Variants in ZNF676 observed in about 807,000 individuals in gnomAD.
The protein encoded by ZNF676 is zinc finger protein 676.
In ZNF676, 4 loss-of-function variants were observed where a neutral mutation model predicts 6.0. The observed-to-expected ratio is 0.67, with a 90% CI of 0.33 to 1.53. ZNF676 has a LOEUF of 1.53. Ranked by LOEUF, ZNF676 falls within the 40% of genes most tolerant of loss-of-function variation. The pLI is 0.06. For synonymous variants in ZNF676, 198 were observed against 223.1 expected (o/e 0.89, Z 1.00); for missense variants, 644 against 679.7 (o/e 0.95, Z 0.58).
chr19:22,259,872 G>A, the ZNF676 span: 3 of 152,184 alleles, frequency 2.0e-5, no homozygotes, highest in Admixed American at 2.0e-4. Context: ...GGTAAGAGAA[G>A]AGAATCATAT....
the ZNF676 span, among the ~76,000 whole-genome samples, chr19:22,247,733 C>G: frequency 6.6e-6 from 1 of 152,124 alleles, no homozygotes; most frequent in South Asian, 2.1e-4. Context: ...TGCAGTGAGC[C>G]AAGATCGTGC....
chr19:22,245,499 A>G, the ZNF676 span, among the ~76,000 whole-genome samples: 1 of 34,358 alleles, frequency 2.9e-5, no homozygotes, highest in Non-Finnish European at 5.2e-5. Flanking sequence ...GAGATATGTC[A>G]CAATGCCCCC....
At chr19:22,249,593 G>A in the ZNF676 span, among the ~76,000 whole-genome samples, 1 of 151,878 alleles carries the variant, frequency 6.6e-6, no homozygotes, top group Non-Finnish European at 1.5e-5. Context: ...TGTATTTTTA[G>A]TAGAGACGGG....
chr19:22,217,796 C>T (rs1206754594), upstream of ZNF676, among the ~76,000 whole-genome samples: 5 of 152,018 alleles, frequency 3.3e-5, no homozygotes, highest in Non-Finnish European at 5.9e-5. Context: ...CTCCACCTCC[C>T]GGGTTCAAGC....
chr19:22,191,510 A>C (rs759354731), intron 2 of ZNF676, among the ~76,000 whole-genome samples: 10 of 152,222 alleles, frequency 6.6e-5, no homozygotes, highest in Non-Finnish European at 1.3e-4. Flanking sequence ...CAGCTTCCTA[A>C]GCCACAGTTC....
At chr19:22,186,443 G>T (rs2023841100) in intron 2 of ZNF676, among the ~76,000 whole-genome samples, 1 of 152,128 alleles carries the variant, frequency 6.6e-6, no homozygotes, top group Non-Finnish European at 1.5e-5. Flanking sequence ...AAATTGTAAA[G>T]ACCATCGACA....
chr19:22,246,978 G>T, the ZNF676 span, among the ~76,000 whole-genome samples: 47 of 152,248 alleles, frequency 3.1e-4, no homozygotes, highest in Admixed American at 2.6e-3. Flanking sequence ...TACTGCATGG[G>T]ATCACCCTGA....
intron 2 of ZNF676, among the ~76,000 whole-genome samples, chr19:22,183,823 A>T (rs1227680914): frequency 2.6e-5 from 4 of 152,222 alleles, no homozygotes; most frequent in South Asian, 4.1e-4. Context: ...AAAGACTCAT[A>T]TTTTATAAAA....
chr19:22,200,633 C>T (rs1326494847), upstream of ZNF676, among the ~76,000 whole-genome samples: 4 of 149,798 alleles, frequency 2.7e-5, no homozygotes, highest in Admixed American at 2.7e-4. Context: ...ATTCTCCTGC[C>T]TCAGCCTCCC....
chr19:22,247,806 A>G, the ZNF676 span, among the ~76,000 whole-genome samples: 1 of 152,124 alleles, frequency 6.6e-6, no homozygotes, highest in African/African-American at 2.4e-5. Context: ...TGACACGATT[A>G]GGCATGTACA....
At chr19:22,222,610 T>A in the ZNF676 span, among the ~76,000 whole-genome samples, 2 of 152,242 alleles carry the variant, frequency 1.3e-5, no homozygotes, top group African/African-American at 2.4e-5. Context: ...TTTTGTAAAT[T>A]TCGTGGAGCA....
At chr19:22,199,219 C>T (rs1180467783), upstream of ZNF676, among the ~76,000 whole-genome samples, 2 of 152,158 alleles carry the variant, frequency 1.3e-5, no homozygotes, top group African/African-American at 4.8e-5. Context: ...AAATGGGTCA[C>T]TTAAACAAGT....
chr19:22,215,803 C>T (rs568476123), upstream of ZNF676: 5 of 679,892 alleles, frequency 7.4e-6, no homozygotes, highest in East Asian at 6.8e-5. Flanking sequence ...CCTGTCCCCC[C>T]CCCCAGCTGC....
chr19:22,259,253 G>A, the ZNF676 span, among the ~76,000 whole-genome samples: 1 of 152,118 alleles, frequency 6.6e-6, no homozygotes, highest in Non-Finnish European at 1.5e-5. Context: ...ATGTCACAAT[G>A]CTCCCTGTGG....
At chr19:22,232,762 A>T in the ZNF676 span, among the ~76,000 whole-genome samples, 3 of 152,138 alleles carry the variant, frequency 2.0e-5, no homozygotes, top group Admixed American at 1.3e-4. Context: ...AATAATAGAA[A>T]AAAAAACCTG....
At chr19:22,227,233 A>G in the ZNF676 span, among the ~76,000 whole-genome samples, 1 of 152,218 alleles carries the variant, frequency 6.6e-6, no homozygotes, top group Admixed American at 6.5e-5. Context: ...ACTACATGGA[A>G]ACAGAACAAC....
chr19:22,252,226 C>T, the ZNF676 span, among the ~76,000 whole-genome samples: 4 of 151,888 alleles, frequency 2.6e-5, no homozygotes, highest in Admixed American at 6.6e-5. Flanking sequence ...AAAACCCTGT[C>T]TCTACTAAAA....
chr19:22,193,136 T>C, intron 1 of ZNF676, 25 bp from the exon 2 acceptor site: 1 of 1,569,704 alleles, frequency 6.4e-7, no homozygotes, highest in Non-Finnish European at 8.6e-7. Context: ...ATGAACAACA[T>C]CCATCTTGCT....
chr19:22,212,210 A>G (rs867707544), intron 1 of ZNF676, among the ~76,000 whole-genome samples: 5 of 150,724 alleles, frequency 3.3e-5, no homozygotes, highest in African/African-American at 7.3e-5. Flanking sequence ...AAAAAAAAAA[A>G]AAAAGAAAAG....
Sources: gnomAD v4.1 joint callset for allele counts (sites outside exome capture counted in the v4.1 genomes callset) on GRCh38, gnomAD v4.1.1 for gene constraint, MANE v1.5 for transcripts, NCBI Gene and HGNC (gene_info 2026-07-23, HGNC 2026-07-21) for gene names.